The following FAM135B variants were observed in gnomAD, a reference collection of about 807,000 sequenced individuals.
FAM135B encodes protein FAM135B.
FAM135B carries 43 observed loss-of-function variants against 127.7 expected under a neutral mutation model. The ratio of observed to expected loss-of-function variants is 0.34; its 90% CI spans 0.26 to 0.43. FAM135B has a LOEUF of 0.43. Ranked by LOEUF, FAM135B falls within the 20% of genes least tolerant of loss-of-function variation. The pLI is 1.00. For missense variants in FAM135B, 1,558 were observed against 1,725.6 expected, an observed-to-expected ratio of 0.90 and a Z score of 1.72; for synonymous variants, 670 against 665.1, an observed-to-expected ratio of 1.01 and a Z score of -0.11.
intron 7 of FAM135B, among the ~76,000 whole-genome samples, chr8:138,206,356 C>T (rs1443009988): frequency 2.7e-5 from 4 of 149,614 alleles, no homozygotes; most frequent in Non-Finnish European, 3.0e-5. Context: ...ACTCCAGCAT[C>T]CCCTCCACCT....
chr8:138,249,418 C>T (rs1285802955), intron 6 of FAM135B, among the ~76,000 whole-genome samples: 1 of 152,222 alleles, frequency 6.6e-6, no homozygotes, highest in Non-Finnish European at 1.5e-5. Flanking sequence ...GCCCACTTCA[C>T]TGGACTGTGA....
intron 6 of FAM135B, among the ~76,000 whole-genome samples, chr8:138,246,934 G>T (rs1821334866): frequency 6.6e-6 from 1 of 152,236 alleles, no homozygotes; most frequent in African/African-American, 2.4e-5. Context: ...AGTCAAAGGG[G>T]ATTATTTCAG....
At chr8:138,288,422 C>T (rs374380239) in intron 3 of FAM135B, among the ~76,000 whole-genome samples, 2 of 152,052 alleles carry the variant, frequency 1.3e-5, no homozygotes, top group African/African-American at 4.8e-5. Flanking sequence ...GTGTGCAGGG[C>T]AAGGTTTCAG....
At chr8:138,338,975 C>A (rs1045771891) in intron 2 of FAM135B, among the ~76,000 whole-genome samples, 11 of 151,574 alleles carry the variant, frequency 7.3e-5, no homozygotes, top group African/African-American at 2.4e-4. Flanking sequence ...ATGGATGAAG[C>A]TGGAAACCAT....
intron 1 of FAM135B, among the ~76,000 whole-genome samples, chr8:138,471,233 T>C (rs941155648): frequency 2.0e-5 from 3 of 151,994 alleles, no homozygotes; most frequent in Non-Finnish European, 4.4e-5. Flanking sequence ...GTATGCTTCT[T>C]AGTCTTTATG....
intron 3 of FAM135B, among the ~76,000 whole-genome samples, chr8:138,299,119 T>A (rs377586030): frequency 2.7e-5 from 4 of 148,134 alleles, no homozygotes; most frequent in South Asian, 2.1e-4. Flanking sequence ...AAAATAAAAA[T>A]AAAAAATAAA....
At chr8:138,492,757 T>C (rs1815252537) in intron 1 of FAM135B, among the ~76,000 whole-genome samples, 1 of 152,116 alleles carries the variant, frequency 6.6e-6, no homozygotes, top group Non-Finnish European at 1.5e-5. Context: ...TCCTTCAGAC[T>C]CAGCTTAGAC....
intron 7 of FAM135B, among the ~76,000 whole-genome samples, chr8:138,228,492 T>G (rs1563795086): frequency 6.6e-6 from 1 of 152,118 alleles, no homozygotes; most frequent in Middle Eastern, 3.2e-3. Flanking sequence ...GTTGCACTTC[T>G]GATGTTTATT....
At chr8:138,173,275 G>A (rs4909742) in intron 11 of FAM135B, among the ~76,000 whole-genome samples, 80,029 of 152,004 alleles carry the variant, frequency 0.53, 21,646 homozygotes, top group East Asian at 0.81. Flanking sequence ...GGAATACAGA[G>A]CGAAAGCATA....
At chr8:138,147,998 A>G (rs1166728026) in intron 14 of FAM135B, among the ~76,000 whole-genome samples, 1 of 152,104 alleles carries the variant, frequency 6.6e-6, no homozygotes, top group Admixed American at 6.5e-5. Flanking sequence ...AGGTAAATAA[A>G]CATAGGTAGC....
At chr8:138,255,769 C>T (rs1254769652) in intron 5 of FAM135B, among the ~76,000 whole-genome samples, 1 of 152,168 alleles carries the variant, frequency 6.6e-6, no homozygotes, top group Non-Finnish European at 1.5e-5. Context: ...TAAGCAGTCT[C>T]TTTCTAAGGA....
intron 3 of FAM135B, among the ~76,000 whole-genome samples, chr8:138,274,265 G>T (rs1823631520): frequency 1.3e-5 from 2 of 152,182 alleles, no homozygotes; most frequent in Admixed American, 1.3e-4. Context: ...ACAAAAGAGA[G>T]AAATTTTAAA....
At chr8:138,281,564 T>C (rs1389702425) in intron 3 of FAM135B, among the ~76,000 whole-genome samples, 1 of 152,112 alleles carries the variant, frequency 6.6e-6, no homozygotes, top group East Asian at 1.9e-4. Context: ...CTTTGCAGTA[T>C]TCTCCAATGT....
chr8:138,318,614 A>T (rs1022974552), intron 2 of FAM135B, among the ~76,000 whole-genome samples: 1 of 152,228 alleles, frequency 6.6e-6, no homozygotes, highest in African/African-American at 2.4e-5. Flanking sequence ...GGCAACCAGG[A>T]TTCTAACTCC....
intron 7 of FAM135B, among the ~76,000 whole-genome samples, chr8:138,210,987 T>G (rs1818098214): frequency 6.6e-6 from 1 of 152,186 alleles, no homozygotes; most frequent in Admixed American, 6.5e-5. Flanking sequence ...ACCATCAGTA[T>G]GGGGCATGGC....
At chr8:138,394,114 G>GC (rs1832736559) in intron 1 of FAM135B, among the ~76,000 whole-genome samples, 1 of 152,160 alleles carries the variant, frequency 6.6e-6, no homozygotes, top group Non-Finnish European at 1.5e-5. Flanking sequence ...AGTTGGGGGT[G>GC]CCTGGTCTAT....
chr8:138,347,831 C>T (rs1587179853), intron 2 of FAM135B, among the ~76,000 whole-genome samples: 1 of 152,188 alleles, frequency 6.6e-6, no homozygotes, highest in East Asian at 1.9e-4. Context: ...AGGGTTACCT[C>T]GAGTAAGTTA....
At chr8:138,160,994 T>C (rs1819335281) in intron 12 of FAM135B, among the ~76,000 whole-genome samples, 1 of 152,214 alleles carries the variant, frequency 6.6e-6, no homozygotes, top group African/African-American at 2.4e-5. Context: ...TGGACAACTA[T>C]GGAACTTAGA....
intron 11 of FAM135B, among the ~76,000 whole-genome samples, chr8:138,169,161 A>ATCTAT (rs1221670331): frequency 6.6e-6 from 1 of 152,090 alleles, no homozygotes; most frequent in Admixed American, 6.5e-5. Flanking sequence ...TCATATACAT[A>ATCTAT]TCTATTTAAT....
Sources: gnomAD v4.1 joint callset for allele counts (sites outside exome capture counted in the v4.1 genomes callset) on GRCh38, gnomAD v4.1.1 for gene constraint, MANE v1.5 for transcripts, NCBI Gene and HGNC (gene_info 2026-07-23, HGNC 2026-07-21) for gene names.